HTR2A: variants seen among roughly 807,000 people sequenced by gnomAD.
HTR2A encodes the protein 5-HT2 receptor.
HTR2A carries 14 observed loss-of-function variants against 31.0 expected under a neutral mutation model. The ratio of observed to expected loss-of-function variants is 0.45; its 90% CI spans 0.30 to 0.71. The LOEUF is 0.71. Ranked by LOEUF, HTR2A falls within the 30% of genes least tolerant of loss-of-function variation. The pLI is 0.09. For synonymous variants in HTR2A, 209 were observed against 225.2 expected (o/e 0.93, Z 0.64); for missense variants, 442 against 573.3 (o/e 0.77, Z 2.34).
intron 3 of HTR2A, among the ~76,000 whole-genome samples, chr13:46,873,806 A>G (rs1485058406): frequency 1.3e-5 from 2 of 152,204 alleles, no homozygotes; most frequent in Non-Finnish European, 2.9e-5. Context: ...TCACTTTCAC[A>G]GTTCAGTCAT....
chr13:46,867,323 G>A (rs1306434835), intron 3 of HTR2A, among the ~76,000 whole-genome samples: 3 of 152,168 alleles, frequency 2.0e-5, no homozygotes, highest in Non-Finnish European at 4.4e-5. Flanking sequence ...TACATTTAAA[G>A]GCTGACGCTG....
chr13:46,860,979 G>GAT (rs1657073037), intron 3 of HTR2A, among the ~76,000 whole-genome samples: 1 of 152,190 alleles, frequency 6.6e-6, no homozygotes, highest in African/African-American at 2.4e-5. Context: ...TGCAAATTCA[G>GAT]ATATATATCT....
At chr13:46,849,660 A>G (rs1950667341) in intron 3 of HTR2A, among the ~76,000 whole-genome samples, 1 of 152,126 alleles carries the variant, frequency 6.6e-6, no homozygotes, top group Admixed American at 6.5e-5. Context: ...TGATATTACC[A>G]TGGCTGGCTT....
chr13:46,835,607 G>C lies in HTR2A; in HGVS notation c.646C>G (p.Gln216Glu). Residue 216 changes from glutamine (Q) to glutamate (E), a missense_variant, in exon 4 of 4, where the codon CAG (glutamine) becomes GAG (glutamate). Gln to Glu is a conservative substitution (Grantham distance 29, BLOSUM62 2). This residue lies in a region of HTR2A where 174 missense variants were observed against 195.1 expected (regional missense o/e 0.89). Coordinates refer to ENST00000542664, the MANE Select transcript of HTR2A (RefSeq NM_000621.5). ...TCCTTAAAGACCTTCGAATCGTCCT[G>C]TAGCCCAAAGACTGGTATTGGCATG... ...ISMPIPVFGL[Q>E]DDSKVFKEGS... The C allele has an allele frequency of 6.2e-7, 1 of 1,613,730 alleles. No individual in the cohort carries two copies. The highest frequency in any genetic ancestry group is 8.5e-7 in the Non-Finnish European group (1 of 1,179,788).
In HTR2A at chr13:46,896,175, A is replaced by T; in HGVS notation, c.-269T>A. The T allele has an allele frequency of 8.3e-7, 1 of 1,205,640 alleles. No individual in the cohort carries two copies. The highest frequency in any genetic ancestry group is 1.0e-6 in the Non-Finnish European group (1 of 971,708). The allele number at this position is 1,205,640 out of a possible 1,614,324, so 74.7% of individuals were successfully genotyped here. A position where few individuals can be genotyped will look rare whatever the true frequency, so the allele number is the denominator to read the frequency against. On this transcript the variant is annotated 5_prime_UTR_variant, in exon 2 of 4. Coordinates refer to ENST00000542664, the MANE Select transcript of HTR2A (RefSeq NM_000621.5). ...CACCAAACCGAGGACAAAAAAGCAG[A>T]ATGAACTTTTAGCATAGAGGTTGCA... is the stretch of plus-strand genomic sequence containing the variant.
intron 3 of HTR2A, among the ~76,000 whole-genome samples, chr13:46,868,887 A>G (rs186128835): frequency 4.6e-5 from 7 of 152,330 alleles, no homozygotes; most frequent in Non-Finnish European, 8.8e-5. Context: ...TTAGAAAAAT[A>G]AAACTTCATG....
At position 46,896,724 on chromosome 13, in the gene HTR2A, C is replaced by A; in HGVS notation, c.-379G>T. On this transcript the variant is annotated 5_prime_UTR_variant, in exon 1 of 4. Coordinates refer to ENST00000542664, the MANE Select transcript of HTR2A (RefSeq NM_000621.5). The stretch of plus-strand genomic sequence containing the variant: ...GATACATTTGTTATTCTGTGACTCG[C>A]TGCATCTCTCACAGTAATTAAACTG... The A allele has an allele frequency of 2.0e-6, 3 of 1,534,820 alleles. No homozygotes were observed. The South Asian group carries it at 3.6e-5, about 18-fold the overall frequency.
rs756580138 is a variant in HTR2A, at chr13:46,892,449, C to T, written c.554G>A (p.Arg185His). 7.4e-6 allele frequency: 12 copies of T among 1,614,192 alleles called. No individual in the cohort carries two copies. Among genetic ancestry groups the T allele is most frequent in the Middle Eastern group, 1.6e-4 (1 of 6,062 alleles). Residue 185 changes from arginine (R) to histidine (H), a missense_variant, in exon 3 of 4, where the codon CGC becomes CAC. This residue lies in a region of HTR2A where 86 missense variants were observed against 179.1 expected (regional missense o/e 0.48). Transcript: ENST00000542664. ...AAATGCCTTAGTTCTGGAGTTGAAGCGGCTGTGGTGGATGGGATTCTGGAT... is the reference window on the plus strand; with the variant it reads ...AAATGCCTTAGTTCTGGAGTTGAAGTGGCTGTGGTGGATGGGATTCTGGAT... ...VAIQNPIHHS[R>H]FNSRTKAFLK...
At chr13:46,866,471 A>G (rs1326197094) in intron 3 of HTR2A, among the ~76,000 whole-genome samples, 1 of 152,250 alleles carries the variant, frequency 6.6e-6, no homozygotes, top group Non-Finnish European at 1.5e-5. Flanking sequence ...CAGTGTAAAC[A>G]GTAATGCACT....
chr13:46,859,603 G>A (rs952605256), intron 3 of HTR2A, among the ~76,000 whole-genome samples: 8 of 152,024 alleles, frequency 5.3e-5, no homozygotes, highest in Middle Eastern at 3.2e-3. Flanking sequence ...AGGAGATCTG[G>A]TTGTTTGCAA....
rs946733246 is a variant in HTR2A at position 46,895,520 on chromosome 13, G to A, written c.387C>T (p.Pro129=). Residue 129 remains proline (P), a synonymous_variant, in exon 2 of 4, where the codon CCC becomes CCT. Coordinates refer to ENST00000542664, the MANE Select transcript of HTR2A (RefSeq NM_000621.5). The surrounding 1 kb of genome is among the most constrained non-coding windows in gnomAD (Gnocchi z 4.4). ...ADMLLGFLVM[P]VSMLTILYGY... Reference sequence around the variant, plus strand: ...CATACAGGATGGTTAACATGGACACGGGCATGACAAGGAAACCCAGCAGCA... The same window carrying A: ...CATACAGGATGGTTAACATGGACACAGGCATGACAAGGAAACCCAGCAGCA... The A allele has an allele frequency of 3.1e-6, 5 of 1,613,904 alleles. No individual in the cohort carries two copies. Among genetic ancestry groups the A allele is most frequent in the African/African-American group, 2.7e-5 (2 of 74,906 alleles).
At chr13:46,869,288 T>G (rs2056387235) in intron 3 of HTR2A, among the ~76,000 whole-genome samples, 1 of 152,130 alleles carries the variant, frequency 6.6e-6, no homozygotes, top group Non-Finnish European at 1.5e-5. Flanking sequence ...GAATAGGGAT[T>G]TCTTCAAAGA....
intron 3 of HTR2A, among the ~76,000 whole-genome samples, chr13:46,867,363 G>C (rs770132382): frequency 2.0e-5 from 3 of 152,122 alleles, no homozygotes; most frequent in Non-Finnish European, 2.9e-5. Flanking sequence ...GAAAATGAAG[G>C]TTATCCAAAT....
chr13:46,855,984 C>G (rs1451754220), intron 3 of HTR2A: 1 of 152,198 alleles, frequency 6.6e-6, no homozygotes, highest in African/African-American at 2.4e-5. Context: ...TGTTCTTTGA[C>G]ATTCCAAAAT....
chr13:46,875,887 A>G (rs1441497828), intron 3 of HTR2A, among the ~76,000 whole-genome samples: 1 of 152,254 alleles, frequency 6.6e-6, no homozygotes. Context: ...ATAGTAATAT[A>G]TGTTATAACA....
intron 3 of HTR2A, among the ~76,000 whole-genome samples, 155 bp from the exon 4 acceptor site, chr13:46,835,794 A>G (rs1034867079): frequency 1.3e-5 from 2 of 152,184 alleles, no homozygotes; most frequent in African/African-American, 4.8e-5. Context: ...GGACTTACAT[A>G]TGTGTTTTGT....
Position 46,887,379 on chromosome 13 carries a change from C to T in HTR2A, c.613+5011G>A, listed in dbSNP as rs529756211. Among the ~76,000 whole-genome samples the T allele has an allele frequency of 1.2e-3, 170 of 145,994 alleles. 1 individual carries two copies. Among genetic ancestry groups the T allele is most frequent in the Non-Finnish European group, 2.0e-3 (133 of 67,058 alleles). Reference sequence around the variant, plus strand: ...TGGAGCTTGCAGTGAGCCGAGATCGCGCCACTGCACTCCAGCGGGGGCGAC... The same window carrying T: ...TGGAGCTTGCAGTGAGCCGAGATCGTGCCACTGCACTCCAGCGGGGGCGAC... On this transcript the variant is annotated intron_variant, in intron 3 of 3. Coordinates refer to ENST00000542664, the MANE Select transcript of HTR2A (RefSeq NM_000621.5).
Position 46,896,110 on chromosome 13 carries a change from C to A in HTR2A, c.-204G>T. The A allele has an allele frequency of 1.5e-6, 2 of 1,317,792 alleles. No individual in the cohort carries two copies. The highest frequency in any genetic ancestry group is 1.9e-6 in the Non-Finnish European group (2 of 1,039,774). 81.6% of individuals were successfully genotyped at this position (1,317,792 alleles called of 1,614,324 possible). A position where few individuals can be genotyped will look rare whatever the true frequency, so the allele number is the denominator to read the frequency against. ...GGTGGCTGTAAGTTTTCTTCATTCA[C>A]AATTTTAGGAGAGTCCACTGTTTGG... On this transcript the variant is annotated 5_prime_UTR_variant, in exon 2 of 4. Transcript: ENST00000542664.
intron 3 of HTR2A, among the ~76,000 whole-genome samples, chr13:46,843,862 C>A (rs1292078484): frequency 6.6e-6 from 1 of 152,076 alleles, no homozygotes; most frequent in Non-Finnish European, 1.5e-5. Flanking sequence ...CATTTGCATA[C>A]AAAACACATT....
Sources: allele counts gnomAD v4.1 joint callset (sites outside exome capture counted in the v4.1 genomes callset), GRCh38; gene constraint gnomAD v4.1.1; regional missense constraint gnomAD v4.1.1; non-coding constraint Gnocchi (gnomAD v3.1); transcripts MANE v1.5; gene names NCBI Gene and HGNC (gene_info 2026-07-23, HGNC 2026-07-21).